The following USB1 variants were observed in gnomAD, a reference collection of about 807,000 sequenced individuals.
USB1 encodes U6 snRNA phosphodiesterase 1.
A neutral mutation model predicts 29.9 loss-of-function variants in USB1; 21 were observed. The observed-to-expected ratio is 0.70, with a 90% CI of 0.50 to 1.01. USB1 has a LOEUF of 1.01. USB1 is among the 50% of genes least tolerant of loss of function. The pLI, the probability that USB1 is intolerant of heterozygous loss-of-function variation, is 0.00. For synonymous variants in USB1, 143 were observed against 134.9 expected, an observed-to-expected ratio of 1.06 and a Z score of -0.42; for missense variants, 330 against 347.1, an observed-to-expected ratio of 0.95 and a Z score of 0.39.
At chr16:58,001,050 G>C (rs539703499), upstream of USB1, among the ~76,000 whole-genome samples, 141 of 152,266 alleles carry the variant, frequency 9.3e-4, no homozygotes, top group South Asian at 0.013. Flanking sequence ...ACTTTGGGCT[G>C]GTTTGAGGAG....
intron 1 of USB1, 142 bp from the exon 2 acceptor site, chr16:58,002,337 A>G (rs1162702664): frequency 5.3e-6 from 7 of 1,328,024 alleles, no homozygotes; most frequent in Non-Finnish European, 7.4e-6. Context: ...CAATTTCGCT[A>G]TCTAGAAGCT....
chr16:58,020,137 T>A lies in USB1; in HGVS notation c.694-4T>A. 6.2e-7 allele frequency: 1 copy of A among 1,614,170 alleles called. No homozygotes were observed. Among genetic ancestry groups the A allele is most frequent in the Non-Finnish European group, 8.5e-7 (1 of 1,180,020 alleles). On this transcript the variant is annotated splice_polypyrimidine_tract_variant and splice_region_variant and intron_variant, in intron 6 of 6. Transcript: ENST00000219281. ...GACTGTCCTCCCCTGGCTGCTGTTT[T>A]AAGGCAATCGTGGATGGGTTTGAAG... is the stretch of plus-strand genomic sequence containing the variant.
chr16:58,011,017 GCCC>G (rs1963481232), intron 3 of USB1: 1 of 709,804 alleles, frequency 1.4e-6, no homozygotes, highest in African/African-American at 1.7e-5. Context: ...TCTGTGATCA[GCCC>G]CCATCCAGGA....
chr16:58,002,462 CT>C lies in USB1; in HGVS notation c.99-10del. ...TAACAGGATAAATGTACTCATTTTT[CT>C]TTTTTTCTTTTGCAGTGGCCAGAGC... is the stretch of plus-strand genomic sequence containing the variant. On this transcript the variant is annotated splice_polypyrimidine_tract_variant and intron_variant, in intron 1 of 6. Transcript: ENST00000219281. 1.2e-6 allele frequency: 2 copies of C among 1,613,342 alleles called. No homozygotes were observed. The highest frequency in any genetic ancestry group is 1.7e-6 in the Non-Finnish European group (2 of 1,179,966).
In USB1 at chr16:58,012,824, C is replaced by T. The variant is rs953405206; in HGVS notation, c.450-1449C>T. ...GAACTGCACCCCTCCAGGGAAGCCACGGCCTGGGCTCCCCTGCATACAGTG... is the reference window on the plus strand; with the variant it reads ...GAACTGCACCCCTCCAGGGAAGCCATGGCCTGGGCTCCCCTGCATACAGTG... On this transcript the variant is annotated intron_variant, in intron 3 of 6. Coordinates refer to ENST00000219281, the MANE Select transcript of USB1 (RefSeq NM_024598.4). 17 of 993,660 alleles carry T rather than the reference C, an allele frequency of 1.7e-5. No individual in the cohort carries two copies. The Admixed American group carries it at 3.5e-4, about 20-fold the overall frequency. The allele number at this position is 993,660 out of a possible 1,614,324, so 61.6% of individuals were successfully genotyped here.
intron 4 of USB1, chr16:58,017,015 A>C: frequency 2.6e-6 from 1 of 382,498 alleles, no homozygotes; most frequent in Non-Finnish European, 5.0e-6. Context: ...TGCGATTGGA[A>C]TGATGATGGA....
Position 58,020,564 on chromosome 16 carries a change from C to CTCTT in USB1, c.*320_*323dup. ...CCCCTCCTGTCTCTCCTCCCCTCCT[C>CTCTT]TCTTCCTCTCCTCTCTCTTCCTCTC... On this transcript the variant is annotated 3_prime_UTR_variant, in exon 7 of 7. Coordinates refer to ENST00000219281, the MANE Select transcript of USB1 (RefSeq NM_024598.4). The CTCTT allele has an allele frequency of 2.5e-6, 1 of 398,762 alleles. No individual in the cohort carries two copies. The highest frequency in any genetic ancestry group is 2.2e-5 in the South Asian group (1 of 45,196). 24.7% of individuals were successfully genotyped at this position (398,762 alleles called of 1,614,324 possible). A position where few individuals can be genotyped will look rare whatever the true frequency, so the allele number is the denominator to read the frequency against.
intron 2 of USB1, among the ~76,000 whole-genome samples, chr16:58,002,969 C>G (rs1262800068): frequency 6.6e-6 from 1 of 152,154 alleles, no homozygotes; most frequent in Non-Finnish European, 1.5e-5. Flanking sequence ...CCTGGGTACG[C>G]TGGGTGTGCA....
rs1489688590 is a variant in USB1, at chr16:58,020,369, CAGG to C, written c.*128_*130del. On this transcript the variant is annotated 3_prime_UTR_variant, in exon 7 of 7. Transcript: ENST00000219281. ...GGCCCCAGCCATGCCTTCAACCTGG[CAGG>C]AGGTGTAGCCACTCCTCATCCTCCC... 1 of 867,126 alleles carries C rather than the reference CAGG, an allele frequency of 1.2e-6. No homozygotes were observed. Among genetic ancestry groups the C allele is most frequent in the Non-Finnish European group, 1.9e-6 (1 of 525,832 alleles). 53.7% of individuals were successfully genotyped at this position (867,126 alleles called of 1,614,324 possible).
In USB1 at chr16:58,017,548, G is replaced by A. The variant is rs77249254; in HGVS notation, c.609+109G>A. On this transcript the variant is annotated intron_variant, in intron 5 of 6. Transcript: ENST00000219281. ...AACCGAAGACCCTTCAGAACCTCCC[G>A]TGTCGGTGCTCTGAATGCCAGCCTT... The A allele has an allele frequency of 5.1e-3, 5,098 of 991,872 alleles. 25 individuals carry two copies. Among genetic ancestry groups the A allele is most frequent in the African/African-American group, 5.6e-3 (351 of 62,438 alleles). 61.4% of individuals were successfully genotyped at this position (991,872 alleles called of 1,614,324 possible). A position where few individuals can be genotyped will look rare whatever the true frequency, so the allele number is the denominator to read the frequency against.
upstream of USB1, chr16:58,000,550 G>C (rs957367781): frequency 6.7e-6 from 1 of 150,210 alleles, no homozygotes; most frequent in Non-Finnish European, 1.5e-5. This position sits in a 1 kb window ranked among gnomAD's most constrained non-coding sequence, Gnocchi z 4.5. Flanking sequence ...CCGGACCGGG[G>C]GCGGGGGACG....
At chr16:58,012,846 A>G (rs1369417168) in intron 3 of USB1, 2 of 989,804 alleles carry the variant, frequency 2.0e-6, no homozygotes, top group Non-Finnish European at 2.4e-6. Context: ...CCCTGCATAC[A>G]GTGGTTCCTT....
chr16:58,019,092 C>A, intron 6 of USB1, 37 bp downstream of exon 6: 3 of 1,604,128 alleles, frequency 1.9e-6, no homozygotes, highest in Non-Finnish European at 2.6e-6. Context: ...GGGCGCTGAA[C>A]TCCAGAAATG....
chr16:58,017,876 T>G (rs1021650061), intron 5 of USB1, among the ~76,000 whole-genome samples: 1 of 152,108 alleles, frequency 6.6e-6, no homozygotes, highest in African/African-American at 2.4e-5. Context: ...GCCATTCATT[T>G]TATTTGATAT....
chr16:58,012,168 G>T, intron 3 of USB1: 1 of 1,444,506 alleles, frequency 6.9e-7, no homozygotes, highest in South Asian at 1.5e-5. Flanking sequence ...CCCTTCTGAG[G>T]GCCAGAGGAG....
intron 3 of USB1, chr16:58,012,524 A>G (rs1277744355): frequency 1.2e-5 from 16 of 1,282,540 alleles, no homozygotes; most frequent in Admixed American, 2.7e-5. Context: ...CTTTGTCACA[A>G]TGACGAAGCC....
At chr16:58,018,224 CTTTT>C (rs1179959137) in intron 5 of USB1, among the ~76,000 whole-genome samples, 3 of 130,078 alleles carry the variant, frequency 2.3e-5, no homozygotes, top group East Asian at 2.3e-4. Flanking sequence ...TGGTTGATGT[CTTTT>C]TTTTTTTTTT....
Position 58,009,972 on chromosome 16 carries a change from G to T in USB1, c.309G>T (p.Leu103=). Residue 103 remains leucine (L), a synonymous_variant, in exon 3 of 7, where the codon CTG becomes CTT. Transcript: ENST00000219281. ...EEFLDLLDVL[L]PHAQTYVPRL... ...TCCTGGATCTGCTTGATGTGTTGCTGCCCCATGCCCAGACATATGTCCCCC... is the reference window on the plus strand; with the variant it reads ...TCCTGGATCTGCTTGATGTGTTGCTTCCCCATGCCCAGACATATGTCCCCC... 6.2e-7 allele frequency: 1 copy of T among 1,613,942 alleles called. No individual in the cohort carries two copies. Among genetic ancestry groups the T allele is most frequent in the Non-Finnish European group, 8.5e-7 (1 of 1,179,978 alleles).
At chr16:58,009,242 G>A (rs929760379) in intron 2 of USB1, among the ~76,000 whole-genome samples, 3 of 152,112 alleles carry the variant, frequency 2.0e-5, no homozygotes, top group East Asian at 1.9e-4. Flanking sequence ...TTGGTGAGCC[G>A]GTTCCTCTGG....
Sources: gnomAD v4.1 joint callset for allele counts (sites outside exome capture counted in the v4.1 genomes callset) on GRCh38, gnomAD v4.1.1 for gene constraint, Gnocchi (gnomAD v3.1) non-coding constraint, MANE v1.5 for transcripts, NCBI Gene and HGNC (gene_info 2026-07-23, HGNC 2026-07-21) for gene names.